LYN: variants seen among roughly 807,000 people sequenced by gnomAD.
LYN encodes the protein LYN proto-oncogene, Src family tyrosine kinase, also known as tyrosine-protein kinase Lyn.
A neutral mutation model predicts 65.0 loss-of-function variants in LYN; 12 were observed. That is an observed-to-expected ratio of 0.18 (90% CI 0.12 to 0.30). The LOEUF (loss-of-function observed/expected upper bound fraction) is 0.30. LYN is among the 10% of genes least tolerant of loss of function. The pLI is 1.00. For synonymous variants in LYN, 222 were observed against 221.2 expected, an observed-to-expected ratio of 1.00 and a Z score of -0.03; for missense variants, 380 against 623.2, an observed-to-expected ratio of 0.61 and a Z score of 4.16.
intron 8 of LYN, among the ~76,000 whole-genome samples, chr8:55,962,382 A>C (rs1000532882): frequency 6.7e-6 from 1 of 150,214 alleles, no homozygotes; most frequent in Middle Eastern, 3.4e-3. Flanking sequence ...GCTACAATTC[A>C]TTCATCTTCA....
At chr8:55,962,781 A>C (rs1412746404) in intron 8 of LYN, among the ~76,000 whole-genome samples, 1 of 152,234 alleles carries the variant, frequency 6.6e-6, no homozygotes, top group Non-Finnish European at 1.5e-5. Flanking sequence ...CTTATAAAGA[A>C]AATGTTTATT....
intron 1 of LYN, among the ~76,000 whole-genome samples, chr8:55,907,128 T>C (rs1563503785): frequency 6.6e-6 from 1 of 152,166 alleles, no homozygotes; most frequent in Non-Finnish European, 1.5e-5. Flanking sequence ...AAAAGACATG[T>C]CCAGTTCTAT....
At chr8:55,892,916 G>A (rs1180600368) in intron 1 of LYN, among the ~76,000 whole-genome samples, 2 of 152,110 alleles carry the variant, frequency 1.3e-5, no homozygotes, top group African/African-American at 4.8e-5. Context: ...AAAGCAGAAT[G>A]ATGTTGACCC....
intron 1 of LYN, among the ~76,000 whole-genome samples, chr8:55,889,161 C>T (rs905024545): frequency 6.6e-6 from 1 of 152,056 alleles, no homozygotes; most frequent in Non-Finnish European, 1.5e-5. Flanking sequence ...GATTACAGGC[C>T]CCGCCACCAG....
At chr8:55,933,027 A>G (rs982116022) in intron 1 of LYN, among the ~76,000 whole-genome samples, 1 of 152,200 alleles carries the variant, frequency 6.6e-6, no homozygotes, top group African/African-American at 2.4e-5. Context: ...CACTACCTGG[A>G]TGGTGGGATC....
intron 10 of LYN, among the ~76,000 whole-genome samples, chr8:55,982,842 T>A (rs1807966431): frequency 6.6e-6 from 1 of 152,054 alleles, no homozygotes; most frequent in African/African-American, 2.4e-5. Flanking sequence ...AGCCATTGCC[T>A]CCCTTCTGTC....
At chr8:55,950,306 T>A (rs1335980515) in intron 4 of LYN, among the ~76,000 whole-genome samples, 153 bp from the exon 5 acceptor site, 1 of 152,248 alleles carries the variant, frequency 6.6e-6, no homozygotes, top group Non-Finnish European at 1.5e-5. Context: ...TGCTGGGTCC[T>A]GTGGTAAGTC....
intron 1 of LYN, among the ~76,000 whole-genome samples, chr8:55,899,628 T>C (rs1805204658): frequency 6.6e-6 from 1 of 152,198 alleles, no homozygotes; most frequent in Admixed American, 6.5e-5. Flanking sequence ...GGTACAGTTA[T>C]CATCCCTTTT....
chr8:55,990,883 G>A (rs4061077), intron 10 of LYN, among the ~76,000 whole-genome samples: 40,289 of 152,096 alleles, frequency 0.26, 5,794 homozygotes, highest in African/African-American at 0.35. Flanking sequence ...TGTTTTACAT[G>A]TTTTAAACCT....
At chr8:55,954,068 T>G in intron 8 of LYN, 84 bp downstream of exon 8, 1 of 1,418,402 alleles carries the variant, frequency 7.1e-7, no homozygotes, top group Non-Finnish European at 9.8e-7. Context: ...GATCAGCTTC[T>G]GAGCCAGACA....
intron 8 of LYN, among the ~76,000 whole-genome samples, chr8:55,964,727 G>GAGAAA (rs1233023338): frequency 1.3e-5 from 2 of 152,094 alleles, no homozygotes; most frequent in Admixed American, 1.3e-4. Flanking sequence ...GAGAAGAGAA[G>GAGAAA]AGAAAAGAAA....
intron 8 of LYN, among the ~76,000 whole-genome samples, chr8:55,965,477 C>G (rs1807425346): frequency 6.6e-6 from 1 of 152,104 alleles, no homozygotes; most frequent in African/African-American, 2.4e-5. Context: ...TTGTTTGACT[C>G]TAGCATATTG....
In LYN at chr8:55,998,517, T is replaced by A. The variant is rs757327685; in HGVS notation, c.1204+18T>A. ...AAGGGAAGGTATGTTGCACTAATGA[T>A]CTTTAGATGTTTTATTATTGTGTTT... On this transcript the variant is annotated intron_variant, in intron 11 of 12. Coordinates refer to ENST00000519728, the MANE Select transcript of LYN (RefSeq NM_002350.4). 6.3e-7 allele frequency: 1 copy of A among 1,588,968 alleles called. No individual in the cohort carries two copies. The highest frequency in any genetic ancestry group is 2.3e-5 in the East Asian group (1 of 44,186).
intron 12 of LYN, among the ~76,000 whole-genome samples, chr8:56,002,117 C>G (rs548138722): frequency 1.3e-5 from 2 of 152,188 alleles, no homozygotes; most frequent in Non-Finnish European, 2.9e-5. Context: ...CCCATCTCTA[C>G]TAAAAATATA....
chr8:55,997,496 C>T (rs969560034), intron 10 of LYN, among the ~76,000 whole-genome samples: 3 of 152,090 alleles, frequency 2.0e-5, no homozygotes, highest in Admixed American at 2.0e-4. Context: ...TGTGTCCTCA[C>T]GTGGTGGAAG....
intron 1 of LYN, among the ~76,000 whole-genome samples, chr8:55,935,306 C>G (rs964170455): frequency 1.3e-5 from 2 of 152,146 alleles, no homozygotes; most frequent in African/African-American, 4.8e-5. Context: ...TGCAGCTTGG[C>G]CAGCCCGGGT....
Position 56,010,647 on chromosome 8 carries a change from A to G in LYN, c.*537A>G. The G allele has an allele frequency of 4.3e-6, 1 of 232,392 alleles. No homozygotes were observed. The highest frequency in any genetic ancestry group is 1.7e-4 in the South Asian group (1 of 5,986). 14.4% of individuals were successfully genotyped at this position (232,392 alleles called of 1,614,324 possible). A position where few individuals can be genotyped will look rare whatever the true frequency, so the allele number is the denominator to read the frequency against. On this transcript the variant is annotated 3_prime_UTR_variant, in exon 13 of 13. Transcript: ENST00000519728. The stretch of plus-strand genomic sequence containing the variant: ...AGCAGCTTAAAAATGTCTTTCCCAG[A>G]TTTCAATGATTTTTTTCCCCCTACC...
intron 10 of LYN, among the ~76,000 whole-genome samples, chr8:55,971,014 G>T (rs1807594656): frequency 6.6e-6 from 1 of 152,228 alleles, no homozygotes; most frequent in Non-Finnish European, 1.5e-5. Flanking sequence ...CCAAGGGAGG[G>T]CAATGCCCAT....
chr8:55,887,460 C>T (rs758059771), intron 1 of LYN, among the ~76,000 whole-genome samples: 22 of 150,924 alleles, frequency 1.5e-4, no homozygotes, highest in African/African-American at 4.9e-4. Flanking sequence ...TACTTCTGTA[C>T]GTCTTTATAT....
Sources: gnomAD v4.1 joint callset for allele counts (sites outside exome capture counted in the v4.1 genomes callset) on GRCh38, gnomAD v4.1.1 for gene constraint, MANE v1.5 for transcripts, NCBI Gene and HGNC (gene_info 2026-07-23, HGNC 2026-07-21) for gene names.